Variants in WDR7 observed in about 807,000 individuals in gnomAD.
WDR7 encodes the protein WD repeat domain 7.
Under a neutral mutation model 169.4 loss-of-function variants are expected in WDR7, and 46 were observed. That is an observed-to-expected ratio of 0.27 (90% CI 0.21 to 0.35). The LOEUF (loss-of-function observed/expected upper bound fraction) is 0.35. Ranked by LOEUF, WDR7 falls within the 10% of genes least tolerant of loss-of-function variation. The pLI is 1.00. For missense variants in WDR7, 1,534 were observed against 1,859.3 expected (o/e 0.83, Z 3.22); for synonymous variants, 612 against 666.8 (o/e 0.92, Z 1.27).
chr18:56,719,561 CAAA>C (rs58285674), intron 13 of WDR7, among the ~76,000 whole-genome samples: 4 of 106,228 alleles, frequency 3.8e-5, no homozygotes, highest in Non-Finnish European at 1.8e-5. Flanking sequence ...GACTCTGTCT[CAAA>C]AAAAAAAAAA....
intron 15 of WDR7, among the ~76,000 whole-genome samples, chr18:56,757,878 A>G (rs976782010): frequency 3.3e-5 from 5 of 151,778 alleles, no homozygotes; most frequent in African/African-American, 9.7e-5. Context: ...CTGAGGTGGG[A>G]GGGTCGCTTG....
intron 26 of WDR7, among the ~76,000 whole-genome samples, chr18:56,993,744 T>C (rs1284593181): frequency 1.3e-5 from 2 of 152,108 alleles, no homozygotes; most frequent in East Asian, 3.9e-4. Context: ...TTCCTGTTCA[T>C]CCGAATTTAT....
intron 20 of WDR7, among the ~76,000 whole-genome samples, chr18:56,868,404 T>C (rs1351526067): frequency 2.6e-5 from 4 of 152,152 alleles, no homozygotes; most frequent in Non-Finnish European, 5.9e-5. Context: ...GGTGAAAATA[T>C]GTTTTAAGTG....
intron 26 of WDR7, among the ~76,000 whole-genome samples, chr18:56,979,174 A>T (rs868100627): frequency 6.6e-6 from 1 of 152,192 alleles, no homozygotes; most frequent in African/African-American, 2.4e-5. Context: ...ATAAGTATAG[A>T]TATTTGCAGT....
intron 14 of WDR7, among the ~76,000 whole-genome samples, chr18:56,735,399 G>A (rs922770807): frequency 6.6e-6 from 1 of 152,170 alleles, no homozygotes; most frequent in African/African-American, 2.4e-5. Flanking sequence ...CATCTTATTG[G>A]TAGTGTTAGG....
At chr18:56,946,975 CTAA>C (rs1469931501) in intron 25 of WDR7, among the ~76,000 whole-genome samples, 1 of 152,050 alleles carries the variant, frequency 6.6e-6, no homozygotes, top group Non-Finnish European at 1.5e-5. Flanking sequence ...TAAATATTTC[CTAA>C]TAATTCACAT....
chr18:56,971,821 T>G (rs961445155), intron 26 of WDR7, among the ~76,000 whole-genome samples: 1 of 152,172 alleles, frequency 6.6e-6, no homozygotes, highest in Non-Finnish European at 1.5e-5. Context: ...TCCCCTGATG[T>G]GTGTGAACGG....
At chr18:56,658,675 T>C (rs1375650451) in intron 1 of WDR7, among the ~76,000 whole-genome samples, 1 of 152,194 alleles carries the variant, frequency 6.6e-6, no homozygotes, top group Non-Finnish European at 1.5e-5. Context: ...CTTCCATTAG[T>C]TGGAGCAAAA....
intron 12 of WDR7, among the ~76,000 whole-genome samples, chr18:56,698,794 A>T (rs1014756576): frequency 1.3e-5 from 2 of 152,210 alleles, no homozygotes; most frequent in East Asian, 1.9e-4. Context: ...AGGAAAAATG[A>T]TCTAGACAGG....
intron 19 of WDR7, among the ~76,000 whole-genome samples, chr18:56,787,330 A>G (rs953923329): frequency 6.6e-6 from 1 of 152,188 alleles, no homozygotes; most frequent in Non-Finnish European, 1.5e-5. Context: ...ACAGGGGCTC[A>G]TCTCCTCTTT....
intron 19 of WDR7, among the ~76,000 whole-genome samples, chr18:56,797,947 T>G (rs182677818): frequency 7.9e-5 from 12 of 152,280 alleles, no homozygotes; most frequent in Admixed American, 6.5e-5. Flanking sequence ...TACCTGTAAA[T>G]ATTCTTTTCT....
intron 20 of WDR7, 78 bp from the exon 21 acceptor site, chr18:56,879,866 T>C: frequency 8.4e-7 from 1 of 1,194,280 alleles, no homozygotes; most frequent in Non-Finnish European, 1.2e-6. Flanking sequence ...GAACGTGCAG[T>C]CCTGAATGTT....
intron 21 of WDR7, among the ~76,000 whole-genome samples, chr18:56,900,109 T>TATATATAA (rs1338219671): frequency 6.8e-6 from 1 of 147,832 alleles, no homozygotes; most frequent in African/African-American, 2.5e-5. Context: ...TATATATATA[T>TATATATAA]AAAATTGTTA....
intron 20 of WDR7, among the ~76,000 whole-genome samples, chr18:56,853,206 T>C (rs2045668166): frequency 6.6e-6 from 1 of 152,168 alleles, no homozygotes; most frequent in Non-Finnish European, 1.5e-5. Flanking sequence ...CAGTAACTGT[T>C]AACATAGTGA....
At chr18:56,867,226 G>T (rs895318193) in intron 20 of WDR7, among the ~76,000 whole-genome samples, 1 of 151,910 alleles carries the variant, frequency 6.6e-6, no homozygotes, top group African/African-American at 2.4e-5. Context: ...TAGTAGAAAT[G>T]TGGTTTCACC....
intron 20 of WDR7, among the ~76,000 whole-genome samples, chr18:56,844,543 T>A (rs1228871182): frequency 6.6e-6 from 1 of 152,210 alleles, no homozygotes; most frequent in African/African-American, 2.4e-5. Context: ...GAGAATATAA[T>A]TTTGGGCTAT....
At chr18:56,724,547 G>A (rs552361122) in intron 13 of WDR7, among the ~76,000 whole-genome samples, 9 of 151,862 alleles carry the variant, frequency 5.9e-5, no homozygotes, top group Non-Finnish European at 1.2e-4. Context: ...ACCAGATATC[G>A]TGAACTTTAT....
chr18:57,005,403 C>G (rs548394425), intron 26 of WDR7, among the ~76,000 whole-genome samples: 2 of 152,170 alleles, frequency 1.3e-5, no homozygotes, highest in East Asian at 3.9e-4. Flanking sequence ...AACTATGACT[C>G]TCATCTCTGA....
At chr18:56,665,552 A>G (rs746799903) in intron 1 of WDR7, among the ~76,000 whole-genome samples, 86 of 152,004 alleles carry the variant, frequency 5.7e-4, no homozygotes, top group Admixed American at 2.8e-3. Flanking sequence ...GTGTGTACCC[A>G]CTGTATATTT....
Sources: allele counts gnomAD v4.1 joint callset (sites outside exome capture counted in the v4.1 genomes callset), GRCh38; gene constraint gnomAD v4.1.1; transcripts MANE v1.5; gene names NCBI Gene and HGNC (gene_info 2026-07-23, HGNC 2026-07-21).